Variants in AFF3 observed in about 807,000 individuals in gnomAD.
AFF3 encodes ALF transcription elongation factor 3.
AFF3 carries 32 observed loss-of-function variants against 129.7 expected under a neutral mutation model. The ratio of observed to expected loss-of-function variants is 0.25; its 90% CI spans 0.19 to 0.33. AFF3 has a LOEUF of 0.33. AFF3 is among the 10% of genes least tolerant of loss of function. The pLI, the probability that AFF3 is intolerant of heterozygous loss-of-function variation, is 1.00. For synonymous variants in AFF3, 644 were observed against 635.4 expected (o/e 1.01, Z -0.20); for missense variants, 1,373 against 1,592.0 (o/e 0.86, Z 2.34).
intron 7 of AFF3, among the ~76,000 whole-genome samples, chr2:99,975,515 C>T (rs977243422): frequency 3.3e-5 from 5 of 152,088 alleles, no homozygotes; most frequent in African/African-American, 9.7e-5. Flanking sequence ...TTTCCTATGA[C>T]ATTTTGCCAA....
At chr2:99,816,874 G>C (rs1046271518) in intron 8 of AFF3, among the ~76,000 whole-genome samples, 4 of 151,826 alleles carry the variant, frequency 2.6e-5, no homozygotes, top group Non-Finnish European at 4.4e-5. Context: ...TCCTCCTCTG[G>C]GTACAGTGAG....
At chr2:99,821,523 A>G (rs760242366) in intron 8 of AFF3, among the ~76,000 whole-genome samples, 1 of 152,222 alleles carries the variant, frequency 6.6e-6, no homozygotes, top group Non-Finnish European at 1.5e-5. Flanking sequence ...CATAAAACTC[A>G]TGTTTTAAAA....
chr2:100,105,113 C>T (rs1691176634), intron 3 of AFF3: 1 of 166,218 alleles, frequency 6.0e-6, no homozygotes, highest in Non-Finnish European at 1.2e-5. Context: ...CGGGGGGATG[C>T]GGAGCCGTGC....
intron 16 of AFF3, among the ~76,000 whole-genome samples, chr2:99,586,406 T>C (rs1204782197): frequency 6.6e-6 from 1 of 152,184 alleles, no homozygotes; most frequent in Non-Finnish European, 1.5e-5. Flanking sequence ...CTACATCTTT[T>C]CCTAACCTTT....
At chr2:100,114,668 C>T (rs895146994) in intron 2 of AFF3, among the ~76,000 whole-genome samples, 3 of 152,076 alleles carry the variant, frequency 2.0e-5, no homozygotes, top group African/African-American at 4.8e-5. Context: ...AGGCGTGAGC[C>T]ACCACGCCTG....
chr2:100,070,609 T>C (rs1490412403), intron 4 of AFF3, among the ~76,000 whole-genome samples: 1 of 152,214 alleles, frequency 6.6e-6, no homozygotes, highest in African/African-American at 2.4e-5. Flanking sequence ...GTTTCATACA[T>C]GATAATTTTT....
intron 4 of AFF3, among the ~76,000 whole-genome samples, chr2:100,078,634 T>C (rs1386947949): frequency 1.3e-5 from 2 of 152,174 alleles, no homozygotes; most frequent in Non-Finnish European, 2.9e-5. Context: ...CTGAGTTAAA[T>C]GGACTTGTAA....
chr2:99,587,327 TTA>T, intron 15 of AFF3, 49 bp from the exon 16 acceptor site: 1 of 1,607,442 alleles, frequency 6.2e-7, no homozygotes, highest in South Asian at 1.1e-5. Flanking sequence ...TCAAGAGGTA[TTA>T]TGAGTTCCCA....
intron 8 of AFF3, among the ~76,000 whole-genome samples, chr2:99,791,589 G>T (rs946509182): frequency 4.6e-5 from 7 of 152,106 alleles, no homozygotes; most frequent in Non-Finnish European, 1.0e-4. Flanking sequence ...ATTATTCACG[G>T]ATTCTTTATT....
chr2:100,072,712 A>G (rs1688293097), intron 4 of AFF3, among the ~76,000 whole-genome samples: 1 of 152,224 alleles, frequency 6.6e-6, no homozygotes, highest in Admixed American at 6.5e-5. Context: ...TATTAAGTGC[A>G]GGATTAATGC....
intron 7 of AFF3, among the ~76,000 whole-genome samples, chr2:99,879,603 G>A (rs1445572759): frequency 1.3e-5 from 2 of 152,182 alleles, no homozygotes; most frequent in Non-Finnish European, 2.9e-5. Flanking sequence ...TTTGCTCCAA[G>A]TCAACAGGGT....
At chr2:99,910,945 C>T (rs1332269395) in intron 7 of AFF3, among the ~76,000 whole-genome samples, 1 of 152,230 alleles carries the variant, frequency 6.6e-6, no homozygotes, top group Non-Finnish European at 1.5e-5. Context: ...CTCTACAATG[C>T]CTTCCCTCTT....
intron 7 of AFF3, among the ~76,000 whole-genome samples, chr2:99,865,159 G>A (rs1194649687): frequency 1.3e-5 from 2 of 152,194 alleles, no homozygotes; most frequent in Non-Finnish European, 2.9e-5. Context: ...GAATGGAAAT[G>A]AATATAAGCT....
chr2:99,589,526 T>A (rs1678455485), intron 15 of AFF3, among the ~76,000 whole-genome samples: 1 of 150,204 alleles, frequency 6.7e-6, no homozygotes, highest in Admixed American at 6.7e-5. Context: ...CTCAGCCTCC[T>A]GAGTAGCTGG....
Position 99,968,455 on chromosome 2 carries a change from G to A in AFF3, c.873+38177C>T, listed in dbSNP as rs551841849. On this transcript the variant is annotated intron_variant, in intron 7 of 24. Transcript: ENST00000672756. ...TCACAATCATGCAAGATGAAAGGAT[G>A]TTTAACCCCAGGCTGGGTGTTCCAA... Among the ~76,000 whole-genome samples the A allele has an allele frequency of 7.2e-5, 11 of 152,300 alleles. No individual in the cohort carries two copies. The South Asian group carries it at 2.3e-3, about 32-fold the overall frequency.
chr2:99,956,209 G>T (rs1676632782), intron 7 of AFF3, among the ~76,000 whole-genome samples: 2 of 151,580 alleles, frequency 1.3e-5, no homozygotes, highest in Non-Finnish European at 2.9e-5. Flanking sequence ...TAATATTACA[G>T]GGACATTAAA....
At chr2:100,009,570 G>A (rs571710829) in intron 4 of AFF3, among the ~76,000 whole-genome samples, 5 of 152,336 alleles carry the variant, frequency 3.3e-5, no homozygotes, top group Admixed American at 2.6e-4. Context: ...TGCAGGCAAT[G>A]AGGGGAGAGA....
chr2:99,896,096 A>G (rs1050027558), intron 7 of AFF3, among the ~76,000 whole-genome samples: 2 of 146,696 alleles, frequency 1.4e-5, no homozygotes, highest in Non-Finnish European at 3.0e-5. Context: ...AAAAAAAGCT[A>G]TCTCATTTTT....
At chr2:100,066,173 A>C (rs1370008247) in intron 4 of AFF3, among the ~76,000 whole-genome samples, 1 of 152,222 alleles carries the variant, frequency 6.6e-6, no homozygotes, top group African/African-American at 2.4e-5. Context: ...AACTCTATGC[A>C]ATTTGTTTTA....
Sources: gnomAD v4.1 joint callset for allele counts (sites outside exome capture counted in the v4.1 genomes callset) on GRCh38, gnomAD v4.1.1 for gene constraint, MANE v1.5 for transcripts, NCBI Gene and HGNC (gene_info 2026-07-23, HGNC 2026-07-21) for gene names.